Variants in CYFIP1 observed in about 807,000 individuals in gnomAD.
CYFIP1 encodes the protein cytoplasmic FMR1-interacting protein 1.
In CYFIP1, 58 loss-of-function variants were observed where a neutral mutation model predicts 163.5. The observed-to-expected ratio is 0.35, with a 90% CI of 0.29 to 0.44. The LOEUF is 0.44. CYFIP1 is among the 20% of genes least tolerant of loss of function. The probability of loss-of-function intolerance (pLI) is 1.00; values close to 1 mark genes in which losing one functional copy is unlikely to be tolerated. For synonymous variants in CYFIP1, 663 were observed against 660.7 expected, an observed-to-expected ratio of 1.00 and a Z score of -0.05; for missense variants, 1,338 against 1,653.8, an observed-to-expected ratio of 0.81 and a Z score of 3.31.
At chr15:22,875,534 A>G in intron 26 of CYFIP1, 1 of 423,298 alleles carries the variant, frequency 2.4e-6, no homozygotes, top group Non-Finnish European at 4.4e-6. Context: ...AGTTACATTT[A>G]ATTAATGTAA....
chr15:22,926,159 G>A, intron 12 of CYFIP1, 52 bp from the exon 13 acceptor site: 2 of 1,610,036 alleles, frequency 1.2e-6, no homozygotes, highest in Admixed American at 3.3e-5. Context: ...AAAACGCCTG[G>A]CTTCTGGTCT....
intron 21 of CYFIP1, among the ~76,000 whole-genome samples, chr15:22,907,594 C>G (rs772701369): frequency 6.6e-6 from 1 of 152,194 alleles, no homozygotes; most frequent in Non-Finnish European, 1.5e-5. Context: ...TGTAAACCCT[C>G]CCCCTGCTCC....
intron 1 of CYFIP1, chr15:22,947,957 A>C: frequency 1.0e-6 from 1 of 985,588 alleles, no homozygotes; most frequent in Non-Finnish European, 1.2e-6. Flanking sequence ...CTTCTGCTGA[A>C]TCTGCTCCAG....
At chr15:22,926,355 C>T in intron 12 of CYFIP1, among the ~76,000 whole-genome samples, 1 of 152,142 alleles carries the variant, frequency 6.6e-6, no homozygotes, top group East Asian at 1.9e-4. Context: ...GTATCTAAGA[C>T]TCTGGCATTT....
intron 22 of CYFIP1, among the ~76,000 whole-genome samples, chr15:22,901,182 A>G (rs2346698): frequency 0.93 from 140,851 of 150,916 alleles, 65,863 homozygotes; most frequent in East Asian, 1. Flanking sequence ...CAGCCTGGGC[A>G]ACAGAGTAAG....
At position 22,881,883 on chromosome 15, in the gene CYFIP1, C is replaced by A. The variant is rs372562805; in HGVS notation, c.2874G>T (p.Lys958Asn). Reference protein sequence around the residue: ...YVKTLMEVMPKICRLPRHEYG... With the variant: ...YVKTLMEVMPNICRLPRHEYG... ...ACTCGTGCCGGGGCAGGCGGCAGAT[C>A]TTGGGCATCACCTCCATCAGCGTCT... is the stretch of plus-strand genomic sequence containing the variant. Residue 958 changes from lysine to asparagine, a missense_variant, in exon 25 of 31, where the codon AAG becomes AAT. Lys to Asn is a moderately conservative substitution (Grantham distance 94). Transcript: ENST00000617928. 1.2e-6 allele frequency: 2 copies of A among 1,612,328 alleles called. No homozygotes were observed. Among genetic ancestry groups the A allele is most frequent in the South Asian group, 2.2e-5 (2 of 91,088 alleles).
intron 11 of CYFIP1, among the ~76,000 whole-genome samples, chr15:22,929,867 C>T (rs2142205357): frequency 6.9e-6 from 1 of 145,784 alleles, no homozygotes; most frequent in South Asian, 2.3e-4. Context: ...ACCTGGGAGG[C>T]GGAGCTTGCA....
chr15:22,943,218 T>C lies in CYFIP1; in HGVS notation c.524A>G (p.Lys175Arg). ...INMFAVLDEL[K>R]NMKCSVKNDH... is the part of the protein sequence containing the mutation. The stretch of plus-strand genomic sequence containing the variant: ...GTTCTTCACACTGCACTTCATGTTC[T>C]TCAGCTCGTCCAGCACAGCGAACAT... Residue 175 changes from lysine to arginine, a missense_variant, in exon 6 of 31, where the codon AAG becomes AGG. By Grantham distance (26) the Lys-to-Arg change is conservative. Around this residue, in one of 4 missense-constraint regions of CYFIP1, gnomAD observed 186 missense variants for 288.3 expected, o/e 0.65. Transcript: ENST00000617928. 1 of 1,614,244 alleles carries C rather than the reference T, an allele frequency of 6.2e-7. No homozygotes were observed.
chr15:22,976,158 TTTTC>T (rs964551235), intron 1 of CYFIP1, among the ~76,000 whole-genome samples: 1 of 151,998 alleles, frequency 6.6e-6, no homozygotes, highest in Non-Finnish European at 1.5e-5. Flanking sequence ...TTAAATTTAA[TTTTC>T]TTTTTTTTTT....
At chr15:22,959,824 C>A (rs1409836277) in intron 1 of CYFIP1, among the ~76,000 whole-genome samples, 1 of 152,190 alleles carries the variant, frequency 6.6e-6, no homozygotes, top group Non-Finnish European at 1.5e-5. Flanking sequence ...CCTCTCAGGG[C>A]CCAGGAGGGT....
chr15:22,876,283 C>T (rs767836903), intron 26 of CYFIP1, among the ~76,000 whole-genome samples: 8 of 152,144 alleles, frequency 5.3e-5, no homozygotes, highest in South Asian at 4.1e-4. Flanking sequence ...TACTCATCAA[C>T]GTCAATCCAG....
chr15:22,919,972 T>G (rs976794483), intron 13 of CYFIP1, among the ~76,000 whole-genome samples: 2 of 151,698 alleles, frequency 1.3e-5, no homozygotes, highest in Admixed American at 6.6e-5. Context: ...CAGTGAGCCA[T>G]GACTATGCCA....
At chr15:22,916,758 TC>T (rs1383116950) in intron 15 of CYFIP1, 128 bp from the exon 16 acceptor site, 2 of 1,608,210 alleles carry the variant, frequency 1.2e-6, no homozygotes, top group Non-Finnish European at 1.7e-6. Context: ...CCGCACCAGC[TC>T]CCCGAGGGGT....
intron 1 of CYFIP1, among the ~76,000 whole-genome samples, chr15:22,961,736 A>T (rs1032889704): frequency 3.3e-5 from 5 of 152,170 alleles, no homozygotes; most frequent in South Asian, 2.1e-4. Flanking sequence ...TTGTTTTTTT[A>T]AAATCCTTGG....
intron 22 of CYFIP1, among the ~76,000 whole-genome samples, chr15:22,901,285 G>A (rs115512204): frequency 1.3e-5 from 2 of 151,974 alleles, no homozygotes; most frequent in Non-Finnish European, 2.9e-5. Context: ...GACAGGAATC[G>A]TCGACAGATG....
intron 23 of CYFIP1, among the ~76,000 whole-genome samples, chr15:22,891,618 G>A (rs1163514809): frequency 2.0e-5 from 3 of 152,152 alleles, no homozygotes; most frequent in Non-Finnish European, 2.9e-5. Context: ...GCCCACACTC[G>A]CTCTTTTCAG....
Position 22,870,182 on chromosome 15 carries a change from T to A in CYFIP1, c.3608A>T (p.Lys1203Met), listed in dbSNP as rs770060867. ...GAACTTGCGAATTCTCTCCACCATC[T>A]TCTTCAAAGGCTACAACCATCAAAG... ...DEIIKNVPLK[K>M]MVERIRKFQI... Residue 1203 changes from lysine (K) to methionine (M), a missense_variant, in exon 31 of 31, where the codon AAG becomes ATG. By Grantham distance (95) the Lys-to-Met change is moderately conservative. Around this residue, in one of 4 missense-constraint regions of CYFIP1, gnomAD observed 306 missense variants for 322.1 expected, o/e 0.95. Coordinates refer to ENST00000617928, the MANE Select transcript of CYFIP1 (RefSeq NM_014608.6). 1.8e-5 allele frequency: 29 copies of A among 1,609,738 alleles called. No homozygotes were observed. The highest frequency in any genetic ancestry group is 2.7e-5 in the African/African-American group (2 of 74,638).
intron 22 of CYFIP1, among the ~76,000 whole-genome samples, 186 bp downstream of exon 22, chr15:22,903,520 C>T (rs765971097): frequency 1.3e-4 from 20 of 152,312 alleles, no homozygotes; most frequent in Non-Finnish European, 2.8e-4. Flanking sequence ...ACCATCCACC[C>T]GAGGGTAGAC....
chr15:22,947,469 C>T (rs747794797), intron 1 of CYFIP1, among the ~76,000 whole-genome samples, 178 bp from the exon 2 acceptor site: 1 of 152,144 alleles, frequency 6.6e-6, no homozygotes, highest in African/African-American at 2.4e-5. Context: ...GCACGTGGGC[C>T]AGCAGGCTGG....
Sources: gnomAD v4.1 joint callset for allele counts (sites outside exome capture counted in the v4.1 genomes callset) on GRCh38, gnomAD v4.1.1 for gene constraint, gnomAD v4.1.1 regional missense constraint, MANE v1.5 for transcripts, NCBI Gene and HGNC (gene_info 2026-07-23, HGNC 2026-07-21) for gene names.